USP14: variants seen among roughly 807,000 people sequenced by gnomAD.
USP14 encodes the protein ubiquitin carboxyl-terminal hydrolase 14.
A neutral mutation model predicts 76.5 loss-of-function variants in USP14; 38 were observed. The ratio of observed to expected loss-of-function variants is 0.50; its 90% confidence interval spans 0.38 to 0.65. The LOEUF (loss-of-function observed/expected upper bound fraction) is 0.65, where lower values mean the gene tolerates loss of function less well. USP14 is among the 30% of genes least tolerant of loss of function. The pLI, the probability that USP14 is intolerant of heterozygous loss-of-function variation, is 0.00. For missense variants in USP14, 467 were observed against 586.5 expected, an observed-to-expected ratio of 0.80 and a Z score of 2.10; for synonymous variants, 192 against 191.7, an observed-to-expected ratio of 1.00 and a Z score of -0.01.
At chr18:206,815 C>T (rs566870518) in intron 13 of USP14, among the ~76,000 whole-genome samples, 101 of 152,258 alleles carry the variant, frequency 6.6e-4, no homozygotes, top group African/African-American at 2.3e-3. Context: ...GCAGGAGAAT[C>T]GCTTGAACTG....
intron 5 of USP14, among the ~76,000 whole-genome samples, chr18:186,315 G>A (rs1909928733): frequency 6.6e-6 from 1 of 152,112 alleles, no homozygotes; most frequent in Non-Finnish European, 1.5e-5. Context: ...AAATAGCTGA[G>A]TGTGGTGGTG....
chr18:163,373 G>A lies in USP14; in HGVS notation c.82G>A (p.Val28Ile). 6.2e-7 allele frequency: 1 copy of A among 1,614,046 alleles called. No homozygotes were observed. Among genetic ancestry groups the A allele is most frequent in the Admixed American group, 1.7e-5 (1 of 60,006 alleles). Residue 28 changes from valine (V) to isoleucine (I), a missense_variant, in exon 2 of 16, where the codon GTA becomes ATA. Transcript: ENST00000261601. ...VELNTDEPPM[V>I]FKAQLFALTG... is the part of the protein sequence containing the mutation. Reference sequence around the variant, plus strand: ...ATTGAATACAGATGAACCTCCAATGGTATTCAAGGCTCAGCTGTTTGCGTT... The same window carrying A: ...ATTGAATACAGATGAACCTCCAATGATATTCAAGGCTCAGCTGTTTGCGTT...
chr18:183,450 A>T (rs1909840438), intron 5 of USP14, among the ~76,000 whole-genome samples: 1 of 151,792 alleles, frequency 6.6e-6, no homozygotes, highest in African/African-American at 2.4e-5. Flanking sequence ...TTTCTTGGTC[A>T]TTATTTCTTT....
At chr18:199,368 G>C (rs1233498450) in intron 10 of USP14, 52 bp downstream of exon 10, 1 of 1,285,726 alleles carries the variant, frequency 7.8e-7, no homozygotes. Context: ...ATGTTTGCGA[G>C]TAAGCCAAAG....
rs546049003 is a variant in USP14, at chr18:176,419, C to G, written c.196-2514C>G. Among the ~76,000 whole-genome samples the G allele has an allele frequency of 3.3e-5, 5 of 152,266 alleles. No individual in the cohort carries two copies. The South Asian group carries it at 1.0e-3, about 32-fold the overall frequency. On this transcript the variant is annotated intron_variant, in intron 3 of 15. Coordinates refer to ENST00000261601, the MANE Select transcript of USP14 (RefSeq NM_005151.4). ...ACTCCCACCTTAGCCTTCCGACTAC[C>G]TTGGACTACAGGTGTGTGCCACCAC...
At chr18:171,396 A>G (rs1451579584) in intron 3 of USP14, among the ~76,000 whole-genome samples, 1 of 152,172 alleles carries the variant, frequency 6.6e-6, no homozygotes, top group African/African-American at 2.4e-5. Flanking sequence ...TCCAAAAACC[A>G]TGGATCTCTT....
At chr18:163,284 A>G in intron 1 of USP14, 24 bp from the exon 2 acceptor site, 1 of 1,569,784 alleles carries the variant, frequency 6.4e-7, no homozygotes. Flanking sequence ...TTTTTAATTA[A>G]AAAAATTGTG....
intron 2 of USP14, among the ~76,000 whole-genome samples, chr18:165,724 T>C (rs1223180561): frequency 6.6e-6 from 1 of 152,216 alleles, no homozygotes; most frequent in Non-Finnish European, 1.5e-5. Flanking sequence ...CTTCCCAGTT[T>C]TGTGTGACCT....
intron 5 of USP14, among the ~76,000 whole-genome samples, chr18:192,533 C>T (rs1401972899): frequency 6.6e-6 from 1 of 152,068 alleles, no homozygotes; most frequent in African/African-American, 2.4e-5. Flanking sequence ...CCATTGCACT[C>T]CAACCTGGGC....
chr18:163,445 A>G lies in USP14; in HGVS notation c.154A>G (p.Thr52Ala), dbSNP rs780790196. 1.2e-6 allele frequency: 2 copies of G among 1,612,446 alleles called. No homozygotes were observed. Among genetic ancestry groups the G allele is most frequent in the East Asian group, 2.2e-5 (1 of 44,854 alleles). ...ARQKVMVKGG[T>A]LKDDDWGNIK... is the part of the protein sequence containing the mutation. Reference sequence around the variant, plus strand: ...ACAGAAAGTTATGGTGAAAGGAGGAACGCTAAAGGTAAAATGTAGTCCAAA... The same window carrying G: ...ACAGAAAGTTATGGTGAAAGGAGGAGCGCTAAAGGTAAAATGTAGTCCAAA... The change falls in exon 2 of 16, where the codon ACG becomes GCG. Residue 52 changes from threonine (T) to alanine (A), a missense_variant. Thr to Ala is a moderately conservative substitution (Grantham distance 58, BLOSUM62 0). Coordinates refer to ENST00000261601, the MANE Select transcript of USP14 (RefSeq NM_005151.4).
intron 5 of USP14, among the ~76,000 whole-genome samples, chr18:183,467 T>C (rs1252985899): frequency 6.6e-6 from 1 of 152,132 alleles, no homozygotes; most frequent in African/African-American, 2.4e-5. Flanking sequence ...CTTTAGGTAC[T>C]GCTTCTCCTC....
chr18:195,951 T>C (rs1310789828), intron 6 of USP14, among the ~76,000 whole-genome samples: 2 of 152,118 alleles, frequency 1.3e-5, no homozygotes, highest in African/African-American at 4.8e-5. Context: ...TAAGGTCTTC[T>C]GGTGAGTTAA....
intron 5 of USP14, among the ~76,000 whole-genome samples, chr18:182,507 A>G (rs1218234987): frequency 1.3e-5 from 2 of 152,222 alleles, no homozygotes; most frequent in African/African-American, 2.4e-5. Flanking sequence ...GTTGTCAGGT[A>G]TTTATGAGAA....
chr18:191,362 ACT>A lies in USP14; in HGVS notation c.405-1475_405-1474del, dbSNP rs572135198. 1.4e-3 allele frequency among the ~76,000 whole-genome samples: 208 copies of A among 152,250 alleles called. 2 individuals carry two copies. The highest frequency in any genetic ancestry group is 4.3e-3 in the African/African-American group (178 of 41,552). ...TCAATTGAGTACAATTTAACACAAT[ACT>A]CTCTGTGATTTCTTTCATACTACTT... On this transcript the variant is annotated intron_variant, in intron 5 of 15. Coordinates refer to ENST00000261601, the MANE Select transcript of USP14 (RefSeq NM_005151.4).
chr18:207,723 G>A (rs1455022940), intron 13 of USP14, among the ~76,000 whole-genome samples: 1 of 152,124 alleles, frequency 6.6e-6, no homozygotes, highest in Non-Finnish European at 1.5e-5. Context: ...AACTTCATGT[G>A]TCTTTCTATT....
At chr18:208,743 A>G (rs1050094538) in intron 13 of USP14, among the ~76,000 whole-genome samples, 3 of 151,986 alleles carry the variant, frequency 2.0e-5, no homozygotes, top group Non-Finnish European at 4.4e-5. Flanking sequence ...TTTAAATTCT[A>G]TTACATTTAT....
chr18:171,023 AAAATATATATATATATAT>A (rs1467216827), intron 3 of USP14, among the ~76,000 whole-genome samples: 9 of 46,850 alleles, frequency 1.9e-4, no homozygotes, highest in Admixed American at 6.5e-4. Context: ...AAAAAAAAAA[AAAATATATATATATATAT>A]ATATATATAT....
At chr18:189,415 T>A (rs930709562) in intron 5 of USP14, among the ~76,000 whole-genome samples, 5 of 152,296 alleles carry the variant, frequency 3.3e-5, no homozygotes, top group Non-Finnish European at 7.3e-5. Context: ...TAGATGAGGC[T>A]GTTCAAATGT....
chr18:195,111 T>C lies in USP14; in HGVS notation c.464-1526T>C, dbSNP rs529377993. Among the ~76,000 whole-genome samples the C allele has an allele frequency of 4.3e-4, 65 of 152,246 alleles. No homozygotes were observed. The Middle Eastern group carries it at 0.01, about 24-fold the overall frequency. On this transcript the variant is annotated intron_variant, in intron 6 of 15. Coordinates refer to ENST00000261601, the MANE Select transcript of USP14 (RefSeq NM_005151.4). ...AGTTGTTATATCTTATTAGTCTCTT[T>C]TAATCTATATTTCTTCTTGACCTTT... is the stretch of plus-strand genomic sequence containing the variant.
Sources: allele counts gnomAD v4.1 joint callset (sites outside exome capture counted in the v4.1 genomes callset), GRCh38; gene constraint gnomAD v4.1.1; transcripts MANE v1.5; gene names NCBI Gene and HGNC (gene_info 2026-07-23, HGNC 2026-07-21).